PLA2G2C: variants seen among roughly 807,000 people sequenced by gnomAD.
PLA2G2C encodes the protein putative inactive group IIC secretory phospholipase A2.
In PLA2G2C, 15 loss-of-function variants were observed where a neutral mutation model predicts 14.3. The ratio of observed to expected loss-of-function variants is 1.05; its 90% CI spans 0.70 to 1.62. The LOEUF (loss-of-function observed/expected upper bound fraction) is 1.62. PLA2G2C is among the 40% of genes most tolerant of loss of function. The pLI, the probability that PLA2G2C is intolerant of heterozygous loss-of-function variation, is 0.00. For missense variants in PLA2G2C, 162 were observed against 173.2 expected (o/e 0.94, Z 0.36); for synonymous variants, 79 against 67.7 (o/e 1.17, Z -0.82).
chr1:20,183,729 T>C (rs1487973611), intron 1 of PLA2G2C, among the ~76,000 whole-genome samples: 1 of 152,132 alleles, frequency 6.6e-6, no homozygotes, highest in Non-Finnish European at 1.5e-5. Flanking sequence ...TCATTTTGGC[T>C]TAACTTCAAG....
chr1:20,164,674 C>T (rs544703108), intron 4 of PLA2G2C, among the ~76,000 whole-genome samples: 5 of 152,350 alleles, frequency 3.3e-5, no homozygotes, highest in African/African-American at 9.6e-5. Context: ...ATGTCTCAGG[C>T]ATCTCCAACT....
intron 4 of PLA2G2C, among the ~76,000 whole-genome samples, chr1:20,166,527 C>G (rs2017982911): frequency 6.6e-6 from 1 of 152,200 alleles, no homozygotes; most frequent in Non-Finnish European, 1.5e-5. Flanking sequence ...GGCCCCCCAG[C>G]CAGCCTCACT....
intron 1 of PLA2G2C, among the ~76,000 whole-genome samples, chr1:20,185,874 C>T (rs1054511906): frequency 1.2e-4 from 19 of 152,198 alleles, no homozygotes; most frequent in Admixed American, 7.2e-4. Flanking sequence ...GAGGCGGTGA[C>T]GCTAGGAAGA....
Position 20,180,771 on chromosome 1 carries a change from G to A in PLA2G2C, c.-76-3332C>T, listed in dbSNP as rs558299165. Among the ~76,000 whole-genome samples, 16 of 152,356 alleles carry A rather than the reference G, an allele frequency of 1.1e-4. No homozygotes were observed. In the South Asian group the frequency reaches 1.5e-3, roughly 14 times the overall value. The stretch of plus-strand genomic sequence containing the variant: ...AGGACCCGAGGGCCCGAGGCTTGAT[G>A]AGGGGCAAGAATGTAGAAAGCATGG... On this transcript the variant is annotated intron_variant, in intron 1 of 4. Coordinates refer to ENST00000679259, the MANE Select transcript of PLA2G2C (RefSeq NM_001367969.2).
At position 20,174,992 on chromosome 1, in the gene PLA2G2C, A is replaced by C. The variant is rs1468385334; in HGVS notation, c.179+15T>G. Reference sequence around the variant, plus strand: ...CAAAACAAATGATAAGTGGCCTTAGAGCCTCTGCACCCACCTGTCAGTGTC... The same window carrying C: ...CAAAACAAATGATAAGTGGCCTTAGCGCCTCTGCACCCACCTGTCAGTGTC... On this transcript the variant is annotated intron_variant, in intron 3 of 4. Transcript: ENST00000679259. The C allele has an allele frequency of 6.2e-7, 1 of 1,604,162 alleles. No homozygotes were observed. The highest frequency in any genetic ancestry group is 1.7e-5 in the Admixed American group (1 of 58,548).
At chr1:20,172,395 T>C (rs1438921907) in intron 4 of PLA2G2C, among the ~76,000 whole-genome samples, 1 of 152,212 alleles carries the variant, frequency 6.6e-6, no homozygotes, top group African/African-American at 2.4e-5. Flanking sequence ...GTGCTTGGCA[T>C]GCAGTCGCCC....
rs80191173 is a variant in PLA2G2C at position 20,185,269 on chromosome 1, G to A, written c.-77+1091C>T. ...TCTGTTACACCAAGGTGTGTGGCTG[G>A]CCAAGACTTCTTCAATACCCGTGTG... On this transcript the variant is annotated intron_variant, in intron 1 of 4. Coordinates refer to ENST00000679259, the MANE Select transcript of PLA2G2C (RefSeq NM_001367969.2). Among the ~76,000 whole-genome samples the A allele has an allele frequency of 5.9e-3, 896 of 152,306 alleles. 11 individuals are homozygous for A. Among genetic ancestry groups the A allele is most frequent in the African/African-American group, 0.021 (862 of 41,550 alleles).
intron 4 of PLA2G2C, among the ~76,000 whole-genome samples, chr1:20,165,380 A>G (rs2017958004): frequency 6.6e-6 from 1 of 152,080 alleles, no homozygotes; most frequent in Non-Finnish European, 1.5e-5. Context: ...TGTGCTTTTT[A>G]CTTAACTTCT....
At chr1:20,171,824 C>T (rs1365804510) in intron 4 of PLA2G2C, among the ~76,000 whole-genome samples, 2 of 144,604 alleles carry the variant, frequency 1.4e-5, no homozygotes, top group Non-Finnish European at 3.0e-5. Flanking sequence ...TGCAGTGGCG[C>T]AATCTCGGCT....
At chr1:20,167,074 T>A (rs2017991547) in intron 4 of PLA2G2C, among the ~76,000 whole-genome samples, 1 of 152,176 alleles carries the variant, frequency 6.6e-6, no homozygotes, top group South Asian at 2.1e-4. Flanking sequence ...GAACTACATC[T>A]CCACAAATAA....
intron 2 of PLA2G2C, among the ~76,000 whole-genome samples, chr1:20,175,912 T>C (rs2018174948): frequency 1.4e-5 from 2 of 146,068 alleles, no homozygotes; most frequent in Admixed American, 1.4e-4. Context: ...CTTTCCTTCT[T>C]TTTTTTTTTT....
At chr1:20,179,180 TG>T (rs2018235868) in intron 1 of PLA2G2C, among the ~76,000 whole-genome samples, 1 of 152,070 alleles carries the variant, frequency 6.6e-6, no homozygotes, top group Non-Finnish European at 1.5e-5. Flanking sequence ...CAACTGCCTC[TG>T]TGTGTCAACT....
chr1:20,163,314 T>C lies in PLA2G2C; in HGVS notation c.*677A>G, dbSNP rs1405999891. 1 of 152,288 alleles carries C rather than the reference T, an allele frequency of 6.6e-6. No individual in the cohort carries two copies. 9.4% of individuals were successfully genotyped at this position (152,288 alleles called of 1,614,324 possible). ...CAGCTGTCCTAAGAGAGAGTAGACA[T>C]GCCCTAGACCTCCTGAGGCCTAGCT... is the stretch of plus-strand genomic sequence containing the variant. On this transcript the variant is annotated 3_prime_UTR_variant, in exon 5 of 5. Transcript: ENST00000679259.
At chr1:20,180,566 G>C (rs1363601732) in intron 1 of PLA2G2C, among the ~76,000 whole-genome samples, 6 of 152,190 alleles carry the variant, frequency 3.9e-5, no homozygotes, top group African/African-American at 1.4e-4. Flanking sequence ...CTTTCTCCAA[G>C]TCCAGTGCTC....
chr1:20,175,284 T>A, intron 2 of PLA2G2C, 139 bp from the exon 3 acceptor site: 1 of 1,233,352 alleles, frequency 8.1e-7, no homozygotes, highest in Non-Finnish European at 1.1e-6. Context: ...GGGGCATGGC[T>A]GGAATCACCA....
intron 1 of PLA2G2C, among the ~76,000 whole-genome samples, chr1:20,182,015 A>C (rs1359636445): frequency 6.6e-6 from 1 of 152,172 alleles, no homozygotes; most frequent in Non-Finnish European, 1.5e-5. Context: ...CTGGCCCCCC[A>C]CAGAATGCCA....
intron 1 of PLA2G2C, among the ~76,000 whole-genome samples, chr1:20,185,687 T>C (rs371587577): frequency 6.6e-6 from 1 of 152,080 alleles, no homozygotes; most frequent in Non-Finnish European, 1.5e-5. Flanking sequence ...ACTCAGAGTT[T>C]AGGGTTCCGA....
At chr1:20,180,983 G>A (rs1464103323) in intron 1 of PLA2G2C, among the ~76,000 whole-genome samples, 1 of 152,228 alleles carries the variant, frequency 6.6e-6, no homozygotes, top group Non-Finnish European at 1.5e-5. Flanking sequence ...AAGGACAGAG[G>A]TCAGGTCTGT....
intron 1 of PLA2G2C, among the ~76,000 whole-genome samples, chr1:20,183,828 G>A (rs2018316542): frequency 6.6e-6 from 1 of 152,260 alleles, no homozygotes; most frequent in Non-Finnish European, 1.5e-5. Flanking sequence ...CTGCAGCCCA[G>A]GGAGAGAGCT....
Sources: gnomAD v4.1 joint callset for allele counts (sites outside exome capture counted in the v4.1 genomes callset) on GRCh38, gnomAD v4.1.1 for gene constraint, MANE v1.5 for transcripts, NCBI Gene and HGNC (gene_info 2026-07-23, HGNC 2026-07-21) for gene names.